The following F2R variants were observed in gnomAD, a reference collection of about 807,000 sequenced individuals.
The protein encoded by F2R is coagulation factor II thrombin receptor.
F2R carries 12 observed loss-of-function variants against 18.3 expected under a neutral mutation model. That is an observed-to-expected ratio of 0.66 (90% CI 0.42 to 1.06). The LOEUF (loss-of-function observed/expected upper bound fraction) is 1.06, where lower values mean the gene tolerates loss of function less well. Ranked by LOEUF, F2R falls within the 50% of genes least tolerant of loss-of-function variation. The probability of loss-of-function intolerance (pLI) is 0.00; values close to 1 mark genes in which losing one functional copy is unlikely to be tolerated. For missense variants in F2R, 438 were observed against 530.8 expected (o/e 0.83, Z 1.72); for synonymous variants, 210 against 219.9 (o/e 0.95, Z 0.40).
rs540418520 is a variant in F2R at position 76,722,808 on chromosome 5, G to A, written c.88+6413G>A. ...TCTACTAAAAATACAAAAATTAGCC[G>A]GGCATGGTGGTGCACAACTGTCATC... On this transcript the variant is annotated intron_variant, in intron 1 of 1. Transcript: ENST00000319211. Among the ~76,000 whole-genome samples, 11 of 152,076 alleles carry A rather than the reference G, an allele frequency of 7.2e-5. No individual in the cohort carries two copies. In the South Asian group the frequency reaches 1.0e-3, roughly 14 times the overall value.
chr5:76,717,153 A>T (rs2150579287), intron 1 of F2R, among the ~76,000 whole-genome samples: 1 of 152,326 alleles, frequency 6.6e-6, no homozygotes, highest in South Asian at 2.1e-4. Flanking sequence ...CACTGCAAGA[A>T]GGTTGCTCCC....
intron 1 of F2R, among the ~76,000 whole-genome samples, chr5:76,726,724 T>A (rs1748566670): frequency 2.0e-5 from 3 of 152,042 alleles, no homozygotes; most frequent in Admixed American, 2.0e-4. Flanking sequence ...TTCCTCTAGA[T>A]CAGCATTTTT....
At chr5:76,731,117 A>T (rs942346097) in intron 1 of F2R, among the ~76,000 whole-genome samples, 12 of 152,200 alleles carry the variant, frequency 7.9e-5, no homozygotes, top group African/African-American at 2.9e-4. Flanking sequence ...GAAGTAGAAG[A>T]ATGACTGAGA....
rs779345870 is a variant in F2R at position 76,716,334 on chromosome 5, GGCC to G, written c.31_33del (p.Ala11del). 2.1e-6 allele frequency: 3 copies of G among 1,434,054 alleles called. No homozygotes were observed. The highest frequency in any genetic ancestry group is 2.7e-5 in the Admixed American group (1 of 37,000). 88.8% of individuals were successfully genotyped at this position (1,434,054 alleles called of 1,614,324 possible). A position where few individuals can be genotyped will look rare whatever the true frequency, so the allele number is the denominator to read the frequency against. On this transcript the variant is annotated inframe_deletion, in exon 1 of 2. Coordinates refer to ENST00000319211, the MANE Select transcript of F2R (RefSeq NM_001992.5). ...TGGGGCCGCGGCGGCTGCTGCTGGT[GGCC>G]GCCTGCTTCAGTCTGTGCGGCCCGC... is the stretch of plus-strand genomic sequence containing the variant.
At chr5:76,725,508 G>C (rs1748537463) in intron 1 of F2R, among the ~76,000 whole-genome samples, 1 of 152,172 alleles carries the variant, frequency 6.6e-6, no homozygotes, top group Non-Finnish European at 1.5e-5. Context: ...GCTAGGACTG[G>C]AGGAAAAGCG....
intron 1 of F2R, among the ~76,000 whole-genome samples, chr5:76,728,634 T>C (rs1020427436): frequency 1.3e-5 from 2 of 151,854 alleles, no homozygotes; most frequent in Admixed American, 6.6e-5. Context: ...AACTGGGCTA[T>C]TATAAATAAT....
At position 76,735,767 on chromosome 5, in the gene F2R, G is replaced by A. The variant is rs973132787; in HGVS notation, c.*2264G>A. 8 of 152,098 alleles carry A rather than the reference G, an allele frequency of 5.3e-5. No individual in the cohort carries two copies. Among genetic ancestry groups the A allele is most frequent in the Non-Finnish European group, 1.0e-4 (7 of 68,022 alleles). The allele number at this position is 152,098 out of a possible 1,614,324, so 9.4% of individuals were successfully genotyped here. On this transcript the variant is annotated 3_prime_UTR_variant, in exon 2 of 2. Coordinates refer to ENST00000319211, the MANE Select transcript of F2R (RefSeq NM_001992.5). ...TATTAATAAATGTGAACATTTGCTT[G>A]GTATCTCTTTGGAACAAATTAGTAT... is the stretch of plus-strand genomic sequence containing the variant.
chr5:76,732,626 A>G lies in F2R; in HGVS notation c.401A>G (p.Lys134Arg), dbSNP rs769598509. Reference sequence around the variant, plus strand: ...GTGTTCATCCTGAAAATGAAGGTCAAGAAGCCGGCGGTGGTGTACATGCTG... The same window carrying G: ...GTGTTCATCCTGAAAATGAAGGTCAGGAAGCCGGCGGTGGTGTACATGCTG... ...IVVFILKMKVKKPAVVYMLHL... is the reference protein window; with the variant it reads ...IVVFILKMKVRKPAVVYMLHL... The change falls in exon 2 of 2, where the codon AAG (lysine) becomes AGG (arginine). Residue 134 changes from lysine (K) to arginine (R), a missense_variant. Physicochemically the swap from Lys to Arg is conservative, Grantham distance 26 (BLOSUM62 2). Transcript: ENST00000319211. 2.5e-6 allele frequency: 4 copies of G among 1,614,092 alleles called. No individual in the cohort carries two copies. The highest frequency in any genetic ancestry group is 1.3e-5 in the African/African-American group (1 of 74,934).
intron 1 of F2R, among the ~76,000 whole-genome samples, chr5:76,729,888 T>C (rs551022016): frequency 6.6e-6 from 1 of 152,252 alleles, no homozygotes; most frequent in South Asian, 2.1e-4. Context: ...GATAGTAAAA[T>C]GGGTCTCTCA....
In F2R at chr5:76,734,971, T is replaced by C. The variant is rs1801719; in HGVS notation, c.*1468T>C. On this transcript the variant is annotated 3_prime_UTR_variant, in exon 2 of 2. Coordinates refer to ENST00000319211, the MANE Select transcript of F2R (RefSeq NM_001992.5). The stretch of plus-strand genomic sequence containing the variant: ...ATAACAGAAGAAAATAGAATTGACA[T>C]TGAAATCTAGGAAAATTATTCTATA... The C allele has an allele frequency of 0.23, 35,330 of 152,208 alleles. 4,302 individuals are homozygous for C. Among genetic ancestry groups the C allele is most frequent in the Non-Finnish European group, 0.27 (18,616 of 67,964 alleles). The allele number at this position is 152,208 out of a possible 1,614,324, so 9.4% of individuals were successfully genotyped here. A position where few individuals can be genotyped will look rare whatever the true frequency, so the allele number is the denominator to read the frequency against.
Position 76,735,583 on chromosome 5 carries a change from C to A in F2R, c.*2080C>A, listed in dbSNP as rs1445449549. The A allele has an allele frequency of 6.6e-6, 1 of 152,102 alleles. No homozygotes were observed. Among genetic ancestry groups the A allele is most frequent in the African/African-American group, 2.4e-5 (1 of 41,414 alleles). The allele number at this position is 152,102 out of a possible 1,614,324, so 9.4% of individuals were successfully genotyped here. A position where few individuals can be genotyped will look rare whatever the true frequency, so the allele number is the denominator to read the frequency against. ...TAACTGTATTGTAAGTAGAAGCTAG[C>A]ACTGGTTTTATTAATTTAGTGACTA... On this transcript the variant is annotated 3_prime_UTR_variant, in exon 2 of 2. Transcript: ENST00000319211.
chr5:76,724,422 A>C lies in F2R; in HGVS notation c.89-7892A>C, dbSNP rs570045807. On this transcript the variant is annotated intron_variant, in intron 1 of 1. Transcript: ENST00000319211. ...ATCAGTCAGTGTTCATATTTACCTTATTGTCTCATAAATACCTTTTAACAG... is the reference window on the plus strand; with the variant it reads ...ATCAGTCAGTGTTCATATTTACCTTCTTGTCTCATAAATACCTTTTAACAG... Among the ~76,000 whole-genome samples the C allele has an allele frequency of 7.9e-5, 12 of 152,162 alleles. No homozygotes were observed. In the East Asian group the frequency reaches 2.1e-3, roughly 27 times the overall value.
chr5:76,717,691 T>C (rs778528286), intron 1 of F2R, among the ~76,000 whole-genome samples: 2 of 152,106 alleles, frequency 1.3e-5, no homozygotes, highest in African/African-American at 2.4e-5. Context: ...TGCGATGAGA[T>C]ATGATTTCAC....
intron 1 of F2R, among the ~76,000 whole-genome samples, chr5:76,724,619 G>A (rs1268619377): frequency 6.6e-6 from 1 of 151,904 alleles, no homozygotes; most frequent in African/African-American, 2.4e-5. Flanking sequence ...ACTGGATCTG[G>A]CTGACTGCGT....
Position 76,732,756 on chromosome 5 carries a change from C to G in F2R, c.531C>G (p.Phe177Leu). ...DWQFGSELCR[F>L]VTAAFYCNMY... is the part of the protein sequence containing the mutation. ...AGTTTGGGTCTGAATTGTGTCGCTT[C>G]GTCACTGCAGCATTTTACTGTAACA... The change falls in exon 2 of 2, where the codon TTC (phenylalanine) becomes TTG (leucine). Residue 177 changes from phenylalanine (F) to leucine (L), a missense_variant. Coordinates refer to ENST00000319211, the MANE Select transcript of F2R (RefSeq NM_001992.5). The G allele has an allele frequency of 6.2e-7, 1 of 1,614,134 alleles. No homozygotes were observed. The highest frequency in any genetic ancestry group is 8.5e-7 in the Non-Finnish European group (1 of 1,180,030).
Position 76,733,356 on chromosome 5 carries a change from G to A in F2R, c.1131G>A (p.Glu377=). Residue 377 remains glutamate, a synonymous_variant, in exon 2 of 2, where the codon GAG becomes GAA. Coordinates refer to ENST00000319211, the MANE Select transcript of F2R (RefSeq NM_001992.5). ...DPLIYYYASS[E]CQRYVYSILC... is the part of the protein sequence containing the mutation. Reference sequence around the variant, plus strand: ...TAATTTACTATTACGCTTCCTCTGAGTGCCAGAGGTACGTCTACAGTATCT... The same window carrying A: ...TAATTTACTATTACGCTTCCTCTGAATGCCAGAGGTACGTCTACAGTATCT... 1 of 1,614,148 alleles carries A rather than the reference G, an allele frequency of 6.2e-7. No individual in the cohort carries two copies. The highest frequency in any genetic ancestry group is 8.5e-7 in the Non-Finnish European group (1 of 1,180,018).
chr5:76,725,196 C>A (rs1320498564), intron 1 of F2R, among the ~76,000 whole-genome samples: 1 of 152,210 alleles, frequency 6.6e-6, no homozygotes, highest in Admixed American at 6.5e-5. Context: ...CCCTCTGCTT[C>A]CAGGACAGAT....
rs1748733783 is a variant in F2R at position 76,733,995 on chromosome 5, G to C, written c.*492G>C. ...GTGAGAGACTCCATAGTTTGGGCTT[G>C]TACCACTTTTGCAAATAAGTGTATT... On this transcript the variant is annotated 3_prime_UTR_variant, in exon 2 of 2. Coordinates refer to ENST00000319211, the MANE Select transcript of F2R (RefSeq NM_001992.5). 1 of 155,102 alleles carries C rather than the reference G, an allele frequency of 6.4e-6. No individual in the cohort carries two copies. The highest frequency in any genetic ancestry group is 2.0e-4 in the South Asian group (1 of 4,986). The allele number at this position is 155,102 out of a possible 1,614,324, so 9.6% of individuals were successfully genotyped here. A position where few individuals can be genotyped will look rare whatever the true frequency, so the allele number is the denominator to read the frequency against.
chr5:76,732,427 G>A lies in F2R; in HGVS notation c.202G>A (p.Glu68Lys). 1 of 1,614,108 alleles carries A rather than the reference G, an allele frequency of 6.2e-7. No homozygotes were observed. Among genetic ancestry groups the A allele is most frequent in the Non-Finnish European group, 8.5e-7 (1 of 1,180,012 alleles). Residue 68 changes from glutamate to lysine, a missense_variant, in exon 2 of 2, where the codon GAA (glutamate) becomes AAA (lysine). Physicochemically the swap from Glu to Lys is moderately conservative, Grantham distance 56 (BLOSUM62 1). Coordinates refer to ENST00000319211, the MANE Select transcript of F2R (RefSeq NM_001992.5). ...DEEKNESGLT[E>K]YRLVSINKSS... is the part of the protein sequence containing the mutation. Reference sequence around the variant, plus strand: ...GGAGAAAAATGAAAGTGGGTTAACTGAATACAGATTAGTCTCCATCAATAA... The same window carrying A: ...GGAGAAAAATGAAAGTGGGTTAACTAAATACAGATTAGTCTCCATCAATAA...
Sources: gnomAD v4.1 joint callset for allele counts (sites outside exome capture counted in the v4.1 genomes callset) on GRCh38, gnomAD v4.1.1 for gene constraint, MANE v1.5 for transcripts, NCBI Gene and HGNC (gene_info 2026-07-23, HGNC 2026-07-21) for gene names.